Variants in DDR1 observed in about 807,000 individuals in gnomAD.
DDR1 encodes discoidin domain receptor tyrosine kinase 1.
Under a neutral mutation model 97.4 loss-of-function variants are expected in DDR1, and 64 were observed. That is an observed-to-expected ratio of 0.66 (90% CI 0.54 to 0.81). The LOEUF (loss-of-function observed/expected upper bound fraction) is 0.81, where lower values mean the gene tolerates loss of function less well. DDR1 is among the 30% of genes least tolerant of loss of function. The probability of loss-of-function intolerance (pLI) is 0.00; values close to 1 mark genes in which losing one functional copy is unlikely to be tolerated. For synonymous variants in DDR1, 458 were observed against 503.7 expected (o/e 0.91, Z 1.21); for missense variants, 990 against 1,259.6 (o/e 0.79, Z 3.24).
rs750370296 is a variant in DDR1 at position 30,896,637 on chromosome 6, T to C, written c.1641T>C (p.Tyr547=). 1.9e-6 allele frequency: 3 copies of C among 1,613,554 alleles called. No homozygotes were observed. The African/African-American group carries it at 4.0e-5, about 22-fold the overall frequency. ...PTNTQAYSGD[Y]MEPEKPGAPL... ...CCCCTGCAGCCTACAGTGGGGACTA[T>C]ATGGAGCCTGAGAAGCCAGGCGCCC... Residue 547 remains tyrosine (Y), a synonymous_variant, in exon 13 of 18, where the codon TAT becomes TAC. Transcript: ENST00000376568.
rs758542207 is a variant in DDR1 at position 30,894,927 on chromosome 6, C to T, written c.1513+256C>T. On this transcript the variant is annotated intron_variant, in intron 11 of 17. Coordinates refer to ENST00000376568, the MANE Select transcript of DDR1 (RefSeq NM_001297654.2). The surrounding 1 kb of genome is among the most constrained non-coding windows in gnomAD (Gnocchi z 5.7). ...GACATCTCTCTATCTTTGTTGTACC[C>T]TCTCATTGTGTCTCCCTGGCCCCTT... 1.3e-5 allele frequency among the ~76,000 whole-genome samples: 2 copies of T among 152,078 alleles called. No individual in the cohort carries two copies. Among genetic ancestry groups the T allele is most frequent in the African/African-American group, 2.4e-5 (1 of 41,380 alleles).
At position 30,889,383 on chromosome 6, in the gene DDR1, C is replaced by T. The variant is rs763783004; in HGVS notation, c.370C>T (p.Arg124Trp). The part of the protein sequence containing the change: ...FSRSYRLRYS[R>W]DGRRWMGWKD... ...CCGGAGCTACCGGCTGCGTTACTCC[C>T]GGGATGGTCGCCGCTGGATGGGCTG... Residue 124 changes from arginine to tryptophan, a missense_variant, in exon 4 of 18, where the codon CGG becomes TGG. By Grantham distance (101) the Arg-to-Trp change is moderately radical (BLOSUM62 -3). Coordinates refer to ENST00000376568, the MANE Select transcript of DDR1 (RefSeq NM_001297654.2). This position sits in a 1 kb window ranked among gnomAD's most constrained non-coding sequence, Gnocchi z 4.9. 6.9e-6 allele frequency: 11 copies of T among 1,597,378 alleles called. No individual in the cohort carries two copies. Among genetic ancestry groups the T allele is most frequent in the Admixed American group, 1.7e-5 (1 of 58,714 alleles).
chr6:30,889,010 G>A lies in DDR1; in HGVS notation c.188G>A (p.Arg63Lys), dbSNP rs2150292765. ...GATTCCACTGCCGCCCGCCACAGCA[G>A]GTACTTGGCACACCTGGCACACTTG... ...WSDSTAARHS[R>K]LESSDGDGAW... The change falls in exon 3 of 18, where the codon AGG (arginine) becomes AAG (lysine). Residue 63 changes from arginine to lysine, a missense_variant and splice_region_variant. By Grantham distance (26) the Arg-to-Lys change is conservative. Coordinates refer to ENST00000376568, the MANE Select transcript of DDR1 (RefSeq NM_001297654.2). The surrounding 1 kb of genome is among the most constrained non-coding windows in gnomAD (Gnocchi z 4.9). 2 of 1,613,016 alleles carry A rather than the reference G, an allele frequency of 1.2e-6. No individual in the cohort carries two copies. The highest frequency in any genetic ancestry group is 1.7e-6 in the Non-Finnish European group (2 of 1,180,002).
upstream of DDR1, chr6:30,884,224 CGGGCGGCT>C (rs1784891013): frequency 7.8e-6 from 1 of 128,320 alleles, no homozygotes; most frequent in Non-Finnish European, 1.6e-5. The surrounding 1 kb of genome is among the most constrained non-coding windows in gnomAD (Gnocchi z 6.1). Flanking sequence ...GGCAGCGGCG[CGGGCGGCT>C]GGGCGGCCTG....
At chr6:30,898,341 G>A in intron 16 of DDR1, 34 bp downstream of exon 16, 2 of 1,540,512 alleles carry the variant, frequency 1.3e-6, no homozygotes, top group Non-Finnish European at 1.8e-6. Flanking sequence ...GTTGGAGCAG[G>A]GCAGGTGGGA....
chr6:30,893,528 G>A, intron 10 of DDR1, 105 bp downstream of exon 10: 2 of 1,471,920 alleles, frequency 1.4e-6, no homozygotes, highest in Non-Finnish European at 1.8e-6. Flanking sequence ...ATCCCAAGAG[G>A]AGGGCTTAGT....
At chr6:30,885,530 C>A in intron 1 of DDR1, 1 of 1,324,964 alleles carries the variant, frequency 7.5e-7, no homozygotes. Context: ...GGCCCCAGTT[C>A]TCTGGGGATC....
In DDR1 at chr6:30,899,151, T is replaced by C. The variant is rs1192004656; in HGVS notation, c.2602-5T>C. 6.2e-7 allele frequency: 1 copy of C among 1,614,202 alleles called. No homozygotes were observed. ...CTGACTCTCATCCACACTGCCACAA[T>C]GCAGGTGTACCTGTCCCGGCCGCCT... On this transcript the variant is annotated splice_region_variant and splice_polypyrimidine_tract_variant and intron_variant, in intron 17 of 17. Transcript: ENST00000376568.
rs751407937 is a variant in DDR1 at position 30,896,632 on chromosome 6, G to T, written c.1636G>T (p.Asp546Tyr). ...CCTCACCCCTGCAGCCTACAGTGGG[G>T]ACTATATGGAGCCTGAGAAGCCAGG... ...KPTNTQAYSG[D>Y]YMEPEKPGAP... Residue 546 changes from aspartate to tyrosine, a missense_variant, in exon 13 of 18, where the codon GAC becomes TAC. By Grantham distance (160) the Asp-to-Tyr change is radical (BLOSUM62 -3). Transcript: ENST00000376568. 12 of 1,613,386 alleles carry T rather than the reference G, an allele frequency of 7.4e-6. No individual in the cohort carries two copies. Among genetic ancestry groups the T allele is most frequent in the Non-Finnish European group, 8.5e-6 (10 of 1,179,798 alleles).
rs779211217 is a variant in DDR1, at chr6:30,892,018, C to T, written c.682C>T (p.Leu228=). The change falls in exon 7 of 18, where the codon CTG becomes TTG. Residue 228 remains leucine, a synonymous_variant. Transcript: ENST00000376568. ...CTTCTCCAGACTGCAGTATGGGGGT[C>T]TGGGCCAGCTGGCAGATGGTGTGGT... ...HTVGGLQYGG[L]GQLADGVVGL... 3 of 1,613,976 alleles carry T rather than the reference C, an allele frequency of 1.9e-6. No individual in the cohort carries two copies. Among genetic ancestry groups the T allele is most frequent in the Non-Finnish European group, 2.5e-6 (3 of 1,179,948 alleles).
rs762818236 is a variant in DDR1 at position 30,894,621 on chromosome 6, G to A, written c.1463G>A (p.Arg488Gln). ...GAGCCACCCCCGTACCAGGAGCCCC[G>A]GCCTCGTGGGAATCCGCCCCACTCC... ...PREPPPYQEP[R>Q]PRGNPPHSAP... The change falls in exon 11 of 18, where the codon CGG becomes CAG. Residue 488 changes from arginine to glutamine, a missense_variant. Coordinates refer to ENST00000376568, the MANE Select transcript of DDR1 (RefSeq NM_001297654.2). The surrounding 1 kb of genome is among the most constrained non-coding windows in gnomAD (Gnocchi z 5.7). 4.2e-5 allele frequency: 68 copies of A among 1,612,252 alleles called. No individual in the cohort carries two copies. The highest frequency in any genetic ancestry group is 5.3e-5 in the Non-Finnish European group (63 of 1,179,176).
rs1444166268 is a variant in DDR1, at chr6:30,898,119, C to T, written c.2263C>T (p.Arg755Cys). Residue 755 changes from arginine to cysteine, a missense_variant, in exon 16 of 18, where the codon CGC becomes TGC. By Grantham distance (180) the Arg-to-Cys change is radical. Coordinates refer to ENST00000376568, the MANE Select transcript of DDR1 (RefSeq NM_001297654.2). ...HVAAQIASGM[R>C]YLATLNFVHR... Reference sequence around the variant, plus strand: ...GGCAGCCCAGATCGCCTCCGGCATGCGCTATCTGGCCACACTCAACTTTGT... The same window carrying T: ...GGCAGCCCAGATCGCCTCCGGCATGTGCTATCTGGCCACACTCAACTTTGT... 1.7e-5 allele frequency: 28 copies of T among 1,614,144 alleles called. No individual in the cohort carries two copies. The highest frequency in any genetic ancestry group is 1.7e-4 in the Admixed American group (10 of 60,018).
chr6:30,896,374 C>G (rs966570675), intron 12 of DDR1, among the ~76,000 whole-genome samples: 2 of 152,000 alleles, frequency 1.3e-5, no homozygotes, highest in African/African-American at 4.8e-5. Flanking sequence ...AAGAGTAAGA[C>G]TTTATGACAG....
chr6:30,895,465 AGGCCCG>A lies in DDR1; in HGVS notation c.1581_1586del (p.Gly528_Pro529del), dbSNP rs1790396347. 1 of 1,606,992 alleles carries A rather than the reference AGGCCCG, an allele frequency of 6.2e-7. No homozygotes were observed. Among genetic ancestry groups the A allele is most frequent in the Non-Finnish European group, 8.5e-7 (1 of 1,178,758 alleles). Reference sequence around the variant, plus strand: ...TGGCCACTTACGCCCGTCCCCCTCGAGGCCCGGGCCCCCCCACACCCGCCTGGGCCA... The same window carrying A: ...TGGCCACTTACGCCCGTCCCCCTCGAGGCCCCCCCACACCCGCCTGGGCCA... On this transcript the variant is annotated inframe_deletion, in exon 12 of 18. Coordinates refer to ENST00000376568, the MANE Select transcript of DDR1 (RefSeq NM_001297654.2).
chr6:30,886,152 C>T lies in DDR1; in HGVS notation c.-43+1442C>T, dbSNP rs753157163. Among the ~76,000 whole-genome samples the T allele has an allele frequency of 6.6e-6, 1 of 152,122 alleles. No individual in the cohort carries two copies. The highest frequency in any genetic ancestry group is 1.5e-5 in the Non-Finnish European group (1 of 68,012). On this transcript the variant is annotated intron_variant, in intron 1 of 17. Transcript: ENST00000376568. The surrounding 1 kb of genome is among the most constrained non-coding windows in gnomAD (Gnocchi z 4.6). ...CGTGTTTCTGAGCCTGCTCTATTTA[C>T]CTCTTGCATTGTGGCTCTCGCTCTG...
At position 30,894,432 on chromosome 6, in the gene DDR1, AG is replaced by A; in HGVS notation, c.1348-71del. 2 of 1,438,632 alleles carry A rather than the reference AG, an allele frequency of 1.4e-6. No individual in the cohort carries two copies. The highest frequency in any genetic ancestry group is 9.3e-7 in the Non-Finnish European group (1 of 1,074,296). The allele number at this position is 1,438,632 out of a possible 1,614,324, so 89.1% of individuals were successfully genotyped here. ...TTGTGAGGGCTGAGGGAGGGAACGC[AG>A]GGATGGACACAGCAGAGGGCCAGGC... On this transcript the variant is annotated intron_variant, in intron 10 of 17. Coordinates refer to ENST00000376568, the MANE Select transcript of DDR1 (RefSeq NM_001297654.2). This position sits in a 1 kb window ranked among gnomAD's most constrained non-coding sequence, Gnocchi z 5.7.
Position 30,894,485 on chromosome 6 carries a change from G to A in DDR1, c.1348-21G>A. The stretch of plus-strand genomic sequence containing the variant: ...GTGTGTGCTGAGCAACACGGGTGAT[G>A]CCTCCCATCCCTATGACAAGGCTGA... On this transcript the variant is annotated intron_variant, in intron 10 of 17. Transcript: ENST00000376568. The surrounding 1 kb of genome is among the most constrained non-coding windows in gnomAD (Gnocchi z 5.7). The A allele has an allele frequency of 6.3e-7, 1 of 1,589,046 alleles. No individual in the cohort carries two copies. The highest frequency in any genetic ancestry group is 8.6e-7 in the Non-Finnish European group (1 of 1,165,672).
intron 12 of DDR1, 130 bp from the exon 13 acceptor site, chr6:30,896,491 T>A: frequency 8.4e-7 from 1 of 1,187,946 alleles, no homozygotes; most frequent in Non-Finnish European, 1.2e-6. Context: ...ACTGGGAAGA[T>A]ACAGCATAGA....
chr6:30,893,556 C>T (rs1372943148), intron 10 of DDR1, 133 bp downstream of exon 10: 1 of 1,441,980 alleles, frequency 6.9e-7, no homozygotes, highest in Non-Finnish European at 9.1e-7. Flanking sequence ...CCACTTACAC[C>T]ATGTCAAAGA....
Sources: gnomAD v4.1 joint callset for allele counts (sites outside exome capture counted in the v4.1 genomes callset) on GRCh38, gnomAD v4.1.1 for gene constraint, Gnocchi (gnomAD v3.1) non-coding constraint, MANE v1.5 for transcripts, NCBI Gene and HGNC (gene_info 2026-07-23, HGNC 2026-07-21) for gene names.